KPNA7: variants seen among roughly 807,000 people sequenced by gnomAD.
The protein encoded by KPNA7 is importin subunit alpha-8.
Under a neutral mutation model 53.7 loss-of-function variants are expected in KPNA7, and 54 were observed. The ratio of observed to expected loss-of-function variants is 1.01; its 90% confidence interval spans 0.81 to 1.26. The LOEUF is 1.26. Ranked by LOEUF, KPNA7 falls within the 50% of genes most tolerant of loss-of-function variation. The pLI, the probability that KPNA7 is intolerant of heterozygous loss-of-function variation, is 0.00. For missense variants in KPNA7, 640 were observed against 644.5 expected (o/e 0.99, Z 0.07); for synonymous variants, 276 against 259.3 (o/e 1.06, Z -0.62).
chr7:99,191,296 T>C (rs1789942199), intron 6 of KPNA7, among the ~76,000 whole-genome samples: 1 of 151,368 alleles, frequency 6.6e-6, no homozygotes, highest in Non-Finnish European at 1.5e-5. Context: ...TAGCTGGGAG[T>C]ACAGGTGCGT....
At chr7:99,207,613 C>CTTTTTTTTTTTT (rs754881370) in intron 1 of KPNA7, 124 bp from the exon 2 acceptor site, 3 of 118,252 alleles carry the variant, frequency 2.5e-5, no homozygotes, top group Admixed American at 1.3e-4. Flanking sequence ...AGGAAGCTAG[C>CTTTTTTTTTTTT]TTTTTTTTTT....
chr7:99,185,232 TTC>T, intron 7 of KPNA7, 70 bp from the exon 8 acceptor site: 1 of 1,068,344 alleles, frequency 9.4e-7, no homozygotes, highest in Non-Finnish European at 1.4e-6. Flanking sequence ...TCACACCAAG[TTC>T]TGTTCTCTCC....
At chr7:99,190,064 C>T (rs180794810) in intron 6 of KPNA7, among the ~76,000 whole-genome samples, 11 of 151,426 alleles carry the variant, frequency 7.3e-5, no homozygotes, top group East Asian at 4.0e-4. Flanking sequence ...CTCGGCTGGG[C>T]GTGGTGGCTC....
chr7:99,195,974 C>T (rs1173123007), intron 4 of KPNA7, 110 bp downstream of exon 4: 18 of 806,252 alleles, frequency 2.2e-5, no homozygotes, highest in African/African-American at 1.2e-4. Context: ...CTGTGTTTTA[C>T]GGGCATGTTG....
chr7:99,163,317 TA>T, the KPNA7 span, among the ~76,000 whole-genome samples: 1 of 141,130 alleles, frequency 7.1e-6, no homozygotes, highest in African/African-American at 2.7e-5. Flanking sequence ...TATTTATATA[TA>T]ATATACATAT....
the KPNA7 span, among the ~76,000 whole-genome samples, chr7:99,149,898 G>T: frequency 3.3e-5 from 5 of 152,192 alleles, no homozygotes; most frequent in African/African-American, 1.2e-4. Context: ...GGGTTCAAGC[G>T]ATTCTCCTGC....
chr7:99,162,269 C>G, the KPNA7 span, among the ~76,000 whole-genome samples: 1 of 151,990 alleles, frequency 6.6e-6, no homozygotes, highest in African/African-American at 2.4e-5. Flanking sequence ...GTCTTGAACT[C>G]CTGACCTCAG....
At chr7:99,214,257 C>T (rs1181796540) in intron 1 of KPNA7, among the ~76,000 whole-genome samples, 4 of 150,364 alleles carry the variant, frequency 2.7e-5, no homozygotes, top group Admixed American at 1.3e-4. Context: ...GTGGCAAAAC[C>T]CCGTCTCTAC....
At chr7:99,161,446 AT>A in the KPNA7 span, among the ~76,000 whole-genome samples, 1 of 152,180 alleles carries the variant, frequency 6.6e-6, no homozygotes, top group Non-Finnish European at 1.5e-5. Context: ...GAGTCTTCAA[AT>A]GAGACCACAA....
At chr7:99,145,911 G>A in the KPNA7 span, among the ~76,000 whole-genome samples, 2 of 152,114 alleles carry the variant, frequency 1.3e-5, no homozygotes, top group South Asian at 4.1e-4. Flanking sequence ...GGCACCTTGC[G>A]GCTCTTTCAG....
At position 99,203,229 on chromosome 7, in the gene KPNA7, C is replaced by T. The variant is rs756801320; in HGVS notation, c.78G>A (p.Gln26=). The change falls in exon 3 of 11, where the codon CAG becomes CAA. Residue 26 remains glutamine, a synonymous_variant. Transcript: ENST00000327442. ...YRGKDVSLRR[Q]QRMAVSLELR... ...GCTCCAGACTGACCGCCATCCTCTG[C>T]TGTCGCCTCAGCTAGTGAGGAAAAG... 1.1e-5 allele frequency: 17 copies of T among 1,551,256 alleles called. No homozygotes were observed. Among genetic ancestry groups the T allele is most frequent in the Non-Finnish European group, 1.2e-5 (14 of 1,146,624 alleles).
At chr7:99,190,034 C>T (rs1789852190) in intron 6 of KPNA7, among the ~76,000 whole-genome samples, 1 of 152,140 alleles carries the variant, frequency 6.6e-6, no homozygotes, top group East Asian at 1.9e-4. Context: ...AGTAGTCAGC[C>T]CTTTCTTTTT....
the KPNA7 span, among the ~76,000 whole-genome samples, chr7:99,167,993 A>G: frequency 0.87 from 117,677 of 134,946 alleles, 50,567 homozygotes; most frequent in East Asian, 0.97. Context: ...CCCCACCCCC[A>G]CACCCCTCTA....
intron 1 of KPNA7, among the ~76,000 whole-genome samples, chr7:99,207,792 C>A (rs147238553): frequency 1.6e-4 from 24 of 151,586 alleles, no homozygotes; most frequent in Admixed American, 7.3e-4. Flanking sequence ...CCTGCCACCA[C>A]GCCCGGCTAA....
chr7:99,163,146 A>T, the KPNA7 span, among the ~76,000 whole-genome samples: 2 of 151,608 alleles, frequency 1.3e-5, no homozygotes, highest in East Asian at 3.9e-4. Context: ...GCGTGACTGC[A>T]CTCCAGCCTG....
Position 99,177,980 on chromosome 7 carries a change from C to A in KPNA7, c.1404G>T (p.Leu468=), listed in dbSNP as rs1388227244. 2 of 1,551,956 alleles carry A rather than the reference C, an allele frequency of 1.3e-6. No homozygotes were observed. Among genetic ancestry groups the A allele is most frequent in the East Asian group, 2.4e-5 (1 of 40,912 alleles). Residue 468 remains leucine (L), a synonymous_variant, in exon 10 of 11, where the codon CTG becomes CTT. Transcript: ENST00000327442. ...ACTGGCCAATTTGACGGTTCTCATG[C>A]AGCTGTAAAGCCTCAATTCTATCGA... The part of the protein sequence containing the change: ...GGIDRIEALQ[L]HENRQIGQSA...
the KPNA7 span, among the ~76,000 whole-genome samples, chr7:99,163,374 T>C: frequency 3.2e-5 from 2 of 63,218 alleles, no homozygotes; most frequent in African/African-American, 1.2e-4. Context: ...TATATATATA[T>C]ATATATATAT....
chr7:99,162,037 ATTTTTTT>A, the KPNA7 span, among the ~76,000 whole-genome samples: 3 of 106,942 alleles, frequency 2.8e-5, no homozygotes, highest in Non-Finnish European at 3.7e-5. Context: ...CAAGATTGCA[ATTTTTTT>A]TTTTTTTTTT....
intron 7 of KPNA7, among the ~76,000 whole-genome samples, chr7:99,185,942 A>G (rs1378722084): frequency 6.6e-6 from 1 of 151,812 alleles, no homozygotes; most frequent in African/African-American, 2.4e-5. Flanking sequence ...ACAGGTGTGC[A>G]CCACCATGCC....
Sources: allele counts gnomAD v4.1 joint callset (sites outside exome capture counted in the v4.1 genomes callset), GRCh38; gene constraint gnomAD v4.1.1; transcripts MANE v1.5; gene names NCBI Gene and HGNC (gene_info 2026-07-23, HGNC 2026-07-21).